The following CAP2 variants were observed in gnomAD, a reference collection of about 807,000 sequenced individuals.
The protein encoded by CAP2 is adenylyl cyclase-associated protein 2.
CAP2 carries 24 observed loss-of-function variants against 57.7 expected under a neutral mutation model. The ratio of observed to expected loss-of-function variants is 0.42; its 90% CI spans 0.30 to 0.58. The LOEUF (loss-of-function observed/expected upper bound fraction) is 0.58. Among genes scored for constraint, CAP2 ranks in the 20% least tolerant of loss-of-function variants. The probability of loss-of-function intolerance (pLI) is 0.22; values close to 1 mark genes in which losing one functional copy is unlikely to be tolerated. For missense variants in CAP2, 501 were observed against 590.3 expected, an observed-to-expected ratio of 0.85 and a Z score of 1.57; for synonymous variants, 194 against 207.2, an observed-to-expected ratio of 0.94 and a Z score of 0.55.
chr6:17,555,344 G>A (rs1045092053), intron 12 of CAP2, among the ~76,000 whole-genome samples: 4 of 151,382 alleles, frequency 2.6e-5, no homozygotes, highest in Admixed American at 6.6e-5. Flanking sequence ...ACAGTCATGC[G>A]CCACCACGCC....
At chr6:17,451,655 AC>A in intron 3 of CAP2, among the ~76,000 whole-genome samples, 1 of 151,880 alleles carries the variant, frequency 6.6e-6, no homozygotes, top group Non-Finnish European at 1.5e-5. Context: ...GATTACAGGA[AC>A]CCGCCACCAC....
chr6:17,401,728 G>C (rs1165717243), intron 1 of CAP2, among the ~76,000 whole-genome samples: 1 of 152,092 alleles, frequency 6.6e-6, no homozygotes, highest in Non-Finnish European at 1.5e-5. Flanking sequence ...TTTTTTTTAA[G>C]TTTACATTTT....
At chr6:17,438,743 A>AG (rs200344874) in intron 3 of CAP2, among the ~76,000 whole-genome samples, 1 of 140,302 alleles carries the variant, frequency 7.1e-6, no homozygotes, top group Non-Finnish European at 1.5e-5. Context: ...CCGGCCCAGA[A>AG]GTTTTTTTAT....
At chr6:17,526,667 G>A (rs1324896274) in intron 7 of CAP2, among the ~76,000 whole-genome samples, 2 of 151,980 alleles carry the variant, frequency 1.3e-5, no homozygotes, top group African/African-American at 4.8e-5. Flanking sequence ...TCATAAAACA[G>A]AACACACAGG....
chr6:17,522,219 G>A (rs1220558251), intron 7 of CAP2, among the ~76,000 whole-genome samples: 1 of 152,156 alleles, frequency 6.6e-6, no homozygotes, highest in Non-Finnish European at 1.5e-5. Flanking sequence ...TAATTTATAT[G>A]CATAGTGAAG....
At chr6:17,529,218 A>T (rs1462546205) in intron 7 of CAP2, among the ~76,000 whole-genome samples, 2 of 152,234 alleles carry the variant, frequency 1.3e-5, no homozygotes, top group Admixed American at 6.5e-5. Context: ...AGTGTGCTAT[A>T]AATATGAATG....
chr6:17,494,421 T>C (rs1426998429), intron 4 of CAP2, among the ~76,000 whole-genome samples: 1 of 152,136 alleles, frequency 6.6e-6, no homozygotes, highest in Non-Finnish European at 1.5e-5. Flanking sequence ...CTCATGATCT[T>C]TGTAGTGGCC....
chr6:17,436,602 G>A (rs747707883), intron 3 of CAP2, among the ~76,000 whole-genome samples: 22 of 152,252 alleles, frequency 1.4e-4, no homozygotes, highest in South Asian at 4.1e-4. Flanking sequence ...AGAACCTTCC[G>A]CAGAGAGACA....
intron 4 of CAP2, among the ~76,000 whole-genome samples, chr6:17,473,798 C>T (rs1273634758): frequency 1.3e-5 from 2 of 152,140 alleles, no homozygotes; most frequent in Non-Finnish European, 2.9e-5. Flanking sequence ...CATGACAAAA[C>T]CATCATTTGA....
At chr6:17,521,390 C>A (rs1388290707) in intron 7 of CAP2, among the ~76,000 whole-genome samples, 1 of 152,004 alleles carries the variant, frequency 6.6e-6, no homozygotes, top group Non-Finnish European at 1.5e-5. Flanking sequence ...TGCACTCCAG[C>A]CTGGGCCACA....
intron 3 of CAP2, among the ~76,000 whole-genome samples, chr6:17,443,249 C>T (rs1760144036): frequency 1.3e-5 from 2 of 151,688 alleles, no homozygotes; most frequent in African/African-American, 4.8e-5. Context: ...AGGCTCTGTC[C>T]TAAAAAAAGA....
intron 7 of CAP2, chr6:17,531,253 C>T: frequency 1.2e-6 from 1 of 805,974 alleles, no homozygotes; most frequent in Non-Finnish European, 2.2e-6. Flanking sequence ...AGCATGTTAA[C>T]TGAAGCCTTG....
In CAP2 at chr6:17,473,914, A is replaced by G. The variant is rs191782836; in HGVS notation, c.300+10841A>G. Among the ~76,000 whole-genome samples the G allele has an allele frequency of 4.6e-5, 7 of 152,326 alleles. No individual in the cohort carries two copies. In the East Asian group the frequency reaches 9.6e-4, roughly 21 times the overall value. On this transcript the variant is annotated intron_variant, in intron 4 of 12. Coordinates refer to ENST00000229922, the MANE Select transcript of CAP2 (RefSeq NM_006366.3). ...CTTAATTGAAAATGCAGGCACTTCC[A>G]TAAGTACTAAAACTACAAATAATCT...
intron 7 of CAP2, among the ~76,000 whole-genome samples, chr6:17,532,789 C>T (rs1385389005): frequency 2.1e-5 from 3 of 144,136 alleles, no homozygotes; most frequent in East Asian, 2.1e-4. Context: ...GTTGGCCAGG[C>T]GTGGTGGCTC....
rs937028854 is a variant in CAP2, at chr6:17,396,707, A to T, written c.-2+2961A>T. 2.6e-5 allele frequency among the ~76,000 whole-genome samples: 4 copies of T among 152,200 alleles called. No homozygotes were observed. The East Asian group carries it at 7.7e-4, about 29-fold the overall frequency. On this transcript the variant is annotated intron_variant, in intron 1 of 12. Coordinates refer to ENST00000229922, the MANE Select transcript of CAP2 (RefSeq NM_006366.3). ...GGTCACAGGGTTTCTTTTTGAGGTG[A>T]AACATGAAAATATCCTCTAATCGAC... is the stretch of plus-strand genomic sequence containing the variant.
At chr6:17,466,998 G>A (rs568399381) in intron 4 of CAP2, among the ~76,000 whole-genome samples, 2 of 152,244 alleles carry the variant, frequency 1.3e-5, no homozygotes, top group Middle Eastern at 3.4e-3. Flanking sequence ...AGAGAAAAGA[G>A]TATAGAATTA....
At chr6:17,509,304 G>A (rs977116647) in intron 6 of CAP2, among the ~76,000 whole-genome samples, 1 of 151,320 alleles carries the variant, frequency 6.6e-6, no homozygotes, top group Non-Finnish European at 1.5e-5. Flanking sequence ...AAATACACAC[G>A]AGATGTTAAG....
intron 3 of CAP2, among the ~76,000 whole-genome samples, chr6:17,431,646 G>T (rs1353216301): frequency 6.6e-6 from 1 of 152,176 alleles, no homozygotes; most frequent in Non-Finnish European, 1.5e-5. Context: ...GGCAAAATGA[G>T]AAGTCTCTGT....
chr6:17,475,729 G>A (rs1761138060), intron 4 of CAP2, among the ~76,000 whole-genome samples: 1 of 152,208 alleles, frequency 6.6e-6, no homozygotes, highest in African/African-American at 2.4e-5. Flanking sequence ...CAATTAGATG[G>A]ATTCTTCCCT....
Sources: allele counts gnomAD v4.1 joint callset (sites outside exome capture counted in the v4.1 genomes callset), GRCh38; gene constraint gnomAD v4.1.1; transcripts MANE v1.5; gene names NCBI Gene and HGNC (gene_info 2026-07-23, HGNC 2026-07-21).